The following PRKG1 variants were observed in gnomAD, a reference collection of about 807,000 sequenced individuals.
The protein encoded by PRKG1 is cGMP-dependent protein kinase 1.
Under a neutral mutation model 88.1 loss-of-function variants are expected in PRKG1, and 35 were observed. The ratio of observed to expected loss-of-function variants is 0.40; its 90% confidence interval spans 0.30 to 0.53. The LOEUF (loss-of-function observed/expected upper bound fraction) is 0.53. Among genes scored for constraint, PRKG1 ranks in the 20% least tolerant of loss-of-function variants. The pLI, the probability that PRKG1 is intolerant of heterozygous loss-of-function variation, is 0.59. For synonymous variants in PRKG1, 303 were observed against 292.5 expected (o/e 1.04, Z -0.37); for missense variants, 540 against 839.8 (o/e 0.64, Z 4.41).
chr10:51,902,307 A>G (rs995797028), intron 4 of PRKG1, among the ~76,000 whole-genome samples: 5 of 151,612 alleles, frequency 3.3e-5, no homozygotes, highest in African/African-American at 4.8e-5. Context: ...GTAGAAACGG[A>G]GTTTCTCCAT....
intron 3 of PRKG1, chr10:51,699,666 A>T (rs989251455): frequency 8.6e-7 from 1 of 1,168,602 alleles, no homozygotes; most frequent in Non-Finnish European, 1.2e-6. Flanking sequence ...AACTTTACTA[A>T]TTCGCTTGAA....
chr10:52,007,565 A>C (rs6480647), intron 5 of PRKG1, among the ~76,000 whole-genome samples: 1 of 152,164 alleles, frequency 6.6e-6, no homozygotes, highest in African/African-American at 2.4e-5. Flanking sequence ...TGAATTCAAC[A>C]AGAAGACCTA....
chr10:51,676,396 G>A (rs926084116), intron 3 of PRKG1, among the ~76,000 whole-genome samples: 3 of 147,560 alleles, frequency 2.0e-5, no homozygotes, highest in African/African-American at 7.6e-5. Context: ...TAAAATTTAT[G>A]AGCATGTTAA....
chr10:52,282,113 C>G, intron 13 of PRKG1, 40 bp from the exon 14 acceptor site: 1 of 1,506,278 alleles, frequency 6.6e-7, no homozygotes, highest in Non-Finnish European at 8.9e-7. Context: ...AAAACTTAAT[C>G]ATAAGGAGCT....
At chr10:51,848,059 A>AC (rs1471484895) in intron 4 of PRKG1, among the ~76,000 whole-genome samples, 2 of 74 alleles carry the variant, frequency 0.027, no homozygotes, top group Non-Finnish European at 0.048. Flanking sequence ...GCAAGTGATA[A>AC]CCGGGGACCA....
At chr10:51,353,397 G>A (rs753146410) in intron 2 of PRKG1, among the ~76,000 whole-genome samples, 9 of 151,900 alleles carry the variant, frequency 5.9e-5, no homozygotes, top group African/African-American at 9.7e-5. Context: ...CAAACTCTCC[G>A]TCTGACAAGG....
intron 9 of PRKG1, among the ~76,000 whole-genome samples, chr10:52,218,305 A>G (rs1316708673): frequency 6.6e-6 from 1 of 151,548 alleles, no homozygotes; most frequent in Non-Finnish European, 1.5e-5. Context: ...TTAACAGCTG[A>G]CATCCATCAA....
intron 9 of PRKG1, among the ~76,000 whole-genome samples, chr10:52,186,885 G>A (rs895671658): frequency 1.3e-5 from 2 of 152,174 alleles, no homozygotes; most frequent in Non-Finnish European, 2.9e-5. Context: ...ATAATTTTAT[G>A]TCTAAAAGAA....
chr10:52,041,312 C>G (rs1440316385), intron 5 of PRKG1, among the ~76,000 whole-genome samples: 1 of 152,194 alleles, frequency 6.6e-6, no homozygotes, highest in African/African-American at 2.4e-5. Flanking sequence ...ATCCCTGCAT[C>G]CTTTGGATGA....
In PRKG1 at chr10:51,930,495, C is replaced by CTTTTTTTTTTTTTTT. The variant is rs3029977; in HGVS notation, c.762+22932_762+22946dup. 2.8e-4 allele frequency among the ~76,000 whole-genome samples: 29 copies of CTTTTTTTTTTTTTTT among 104,476 alleles called. 1 individual carries two copies. The highest frequency in any genetic ancestry group is 4.3e-4 in the Non-Finnish European group (23 of 53,450). The allele number at this position is 104,476 out of a possible 152,430, so 68.5% of individuals were successfully genotyped here. On this transcript the variant is annotated intron_variant, in intron 5 of 17. Coordinates refer to ENST00000373980, the MANE Select transcript of PRKG1 (RefSeq NM_006258.4). ...TTTTAAAAGAACCTTTTTTTTTCCT[C>CTTTTTTTTTTTTTTT]TTTTTTTTTTTTTTTTTTTTTGAGA...
chr10:52,094,437 A>T (rs1847128219), intron 7 of PRKG1, among the ~76,000 whole-genome samples: 1 of 151,444 alleles, frequency 6.6e-6, no homozygotes, highest in African/African-American at 2.4e-5. Context: ...TCTCTCTTTT[A>T]TCTCTCATTT....
intron 5 of PRKG1, among the ~76,000 whole-genome samples, chr10:52,040,832 CT>C (rs11312625): frequency 0.24 from 20,379 of 84,472 alleles, 982 homozygotes; most frequent in Middle Eastern, 0.35. Flanking sequence ...AATGGCTTTT[CT>C]TTTTTTTTTT....
intron 5 of PRKG1, among the ~76,000 whole-genome samples, chr10:51,988,351 T>G (rs1421296678): frequency 6.6e-6 from 1 of 152,068 alleles, no homozygotes; most frequent in African/African-American, 2.4e-5. Context: ...GTCAGTTTAT[T>G]TCACTAAGAT....
chr10:51,567,630 A>G (rs1234796460), intron 3 of PRKG1, among the ~76,000 whole-genome samples: 1 of 152,120 alleles, frequency 6.6e-6, no homozygotes, highest in Non-Finnish European at 1.5e-5. Context: ...TCTATCACCC[A>G]GGCTGGAAGA....
At chr10:52,206,542 T>C (rs896203166) in intron 9 of PRKG1, among the ~76,000 whole-genome samples, 4 of 152,208 alleles carry the variant, frequency 2.6e-5, no homozygotes, top group Admixed American at 2.6e-4. Context: ...TGGAAGGTGA[T>C]GTTCCTTAAT....
At chr10:52,189,546 C>T (rs913808626) in intron 9 of PRKG1, among the ~76,000 whole-genome samples, 2 of 152,158 alleles carry the variant, frequency 1.3e-5, no homozygotes, top group African/African-American at 4.8e-5. Context: ...AATGCACATA[C>T]AAGGGATCTA....
intron 2 of PRKG1, among the ~76,000 whole-genome samples, chr10:51,300,387 G>A (rs1260925701): frequency 6.6e-6 from 1 of 152,174 alleles, no homozygotes; most frequent in Non-Finnish European, 1.5e-5. Context: ...ATTTATGAAA[G>A]TTGTGGGACA....
chr10:51,410,740 A>G (rs1054578923), intron 2 of PRKG1, among the ~76,000 whole-genome samples: 3 of 152,086 alleles, frequency 2.0e-5, no homozygotes, highest in African/African-American at 7.2e-5. Flanking sequence ...AAGGTTTTGG[A>G]TTTAAAAAAT....
chr10:51,441,089 C>T (rs1052158752), intron 2 of PRKG1, among the ~76,000 whole-genome samples: 3 of 151,868 alleles, frequency 2.0e-5, no homozygotes, highest in African/African-American at 7.2e-5. Context: ...TGGGTCCTTC[C>T]AAACTCTCAA....
Sources: allele counts gnomAD v4.1 joint callset (sites outside exome capture counted in the v4.1 genomes callset), GRCh38; gene constraint gnomAD v4.1.1; transcripts MANE v1.5; gene names NCBI Gene and HGNC (gene_info 2026-07-23, HGNC 2026-07-21).